UROS: variants seen among roughly 807,000 people sequenced by gnomAD.
UROS encodes uroporphyrinogen III synthase.
A neutral mutation model predicts 33.0 loss-of-function variants in UROS; 18 were observed. The ratio of observed to expected loss-of-function variants is 0.55; its 90% confidence interval spans 0.38 to 0.81. The LOEUF is 0.81. UROS is among the 30% of genes least tolerant of loss of function. The pLI is 0.00. For synonymous variants in UROS, 114 were observed against 121.1 expected, an observed-to-expected ratio of 0.94 and a Z score of 0.38; for missense variants, 293 against 314.9, an observed-to-expected ratio of 0.93 and a Z score of 0.53.
At chr10:125,811,286 G>C (rs1323278256) in intron 5 of UROS, among the ~76,000 whole-genome samples, 1 of 152,190 alleles carries the variant, frequency 6.6e-6, no homozygotes, top group Non-Finnish European at 1.5e-5. Flanking sequence ...AGGAAATATA[G>C]AGAATGAAAG....
At chr10:125,800,242 A>G (rs981399113) in intron 6 of UROS, among the ~76,000 whole-genome samples, 1 of 152,258 alleles carries the variant, frequency 6.6e-6, no homozygotes, top group African/African-American at 2.4e-5. Flanking sequence ...TGAAGTCTGA[A>G]AGACCAGATT....
intron 6 of UROS, among the ~76,000 whole-genome samples, chr10:125,800,069 T>C (rs1277871305): frequency 6.6e-6 from 1 of 152,098 alleles, no homozygotes; most frequent in Non-Finnish European, 1.5e-5. Flanking sequence ...GTAATAACAC[T>C]GAAAATCCTA....
intron 4 of UROS, among the ~76,000 whole-genome samples, chr10:125,814,280 A>G (rs1853095788): frequency 6.6e-6 from 1 of 152,290 alleles, no homozygotes; most frequent in Non-Finnish European, 1.5e-5. Flanking sequence ...CTCACTCCAA[A>G]GCCCTTGCAT....
chr10:125,793,313 C>T (rs1378761759), intron 9 of UROS: 4 of 132,076 alleles, frequency 3.0e-5, no homozygotes, highest in Non-Finnish European at 6.1e-5. Context: ...CTTATACCAC[C>T]AGGCATCTCA....
At chr10:125,812,157 TA>T in intron 5 of UROS, 56 bp downstream of exon 5, 1 of 1,545,692 alleles carries the variant, frequency 6.5e-7, no homozygotes, top group South Asian at 1.1e-5. Flanking sequence ...AACTGTTTTT[TA>T]AAACTGAAAA....
rs761918469 is a variant in UROS, at chr10:125,816,435, A to G, written c.63+2T>C. On this transcript the variant is annotated splice_donor_variant, in intron 2 of 9. Transcript: ENST00000368797. LOFTEE classifies it high-confidence loss of function. ...TGGGATAAGGAGTCTCAGGCCACTT[A>G]CCCTGATATACGGATCCTGGCCACA... 3.1e-6 allele frequency: 5 copies of G among 1,613,934 alleles called. No homozygotes were observed. In the Admixed American group the frequency reaches 6.7e-5, roughly 22 times the overall value.
At chr10:125,804,619 G>C (rs979284278) in intron 6 of UROS, among the ~76,000 whole-genome samples, 1 of 152,188 alleles carries the variant, frequency 6.6e-6, no homozygotes, top group Non-Finnish European at 1.5e-5. Flanking sequence ...AAGCTGTGGG[G>C]TCTGGGTTAA....
chr10:125,812,366 C>T, intron 4 of UROS, 78 bp from the exon 5 acceptor site: 1 of 1,320,076 alleles, frequency 7.6e-7, no homozygotes. Flanking sequence ...TGCTTGTTCA[C>T]CCTAAGAAAC....
chr10:125,789,930 T>G (rs957361876), intron 9 of UROS, among the ~76,000 whole-genome samples: 3 of 152,220 alleles, frequency 2.0e-5, no homozygotes, highest in African/African-American at 7.2e-5. Flanking sequence ...CACTCTCCTC[T>G]GCATTGAGAC....
chr10:125,802,569 G>C (rs1157642590), intron 6 of UROS: 5 of 1,011,178 alleles, frequency 4.9e-6, no homozygotes, highest in Non-Finnish European at 5.9e-6. Flanking sequence ...ACACCATGTG[G>C]CACAAGTGGC....
At position 125,823,179 on chromosome 10, in the gene UROS, A is replaced by C; in HGVS notation, c.-177T>G. The C allele has an allele frequency of 1.1e-5, 2 of 175,120 alleles. No homozygotes were observed. The highest frequency in any genetic ancestry group is 1.2e-5 in the Non-Finnish European group (1 of 83,200). The allele number at this position is 175,120 out of a possible 1,614,324, so 10.8% of individuals were successfully genotyped here. ...CGCAGCCCGAGGGGCCGCGGCGGCC[A>C]CCCGCGCCGGGCCCCAGGACCCCGC... On this transcript the variant is annotated 5_prime_UTR_variant, in exon 1 of 10. Transcript: ENST00000368797.
At position 125,816,456 on chromosome 10, in the gene UROS, CCA is replaced by C. The variant is rs1291367816; in HGVS notation, c.42_43del (p.Cys14TrpfsTer15). The C allele has an allele frequency of 6.2e-7, 1 of 1,614,046 alleles. No individual in the cohort carries two copies. Among genetic ancestry groups the C allele is most frequent in the African/African-American group, 1.3e-5 (1 of 74,904 alleles). ...ACTTACCCTGATATACGGATCCTGG[CCA>C]CAGTCATCTTCCTTCGCATCCTTCA... On this transcript the variant is annotated frameshift_variant, in exon 2 of 10. Transcript: ENST00000368797. LOFTEE classifies it high-confidence loss of function.
intron 9 of UROS, among the ~76,000 whole-genome samples, chr10:125,790,229 A>G (rs1850819901): frequency 6.6e-6 from 1 of 152,144 alleles, no homozygotes; most frequent in Non-Finnish European, 1.5e-5. Flanking sequence ...CTCCCTGAGG[A>G]AAAAATAAAG....
chr10:125,812,162 C>A, intron 5 of UROS, 52 bp downstream of exon 5: 1 of 1,558,120 alleles, frequency 6.4e-7, no homozygotes, highest in Non-Finnish European at 8.8e-7. Context: ...TTTTTTAAAA[C>A]TGAAAAGGCT....
chr10:125,811,142 A>C (rs1852778138), intron 5 of UROS, among the ~76,000 whole-genome samples: 1 of 152,232 alleles, frequency 6.6e-6, no homozygotes, highest in African/African-American at 2.4e-5. Context: ...GGACAGTGAC[A>C]GCAAAATGCA....
chr10:125,802,006 A>C, intron 6 of UROS: 1 of 985,232 alleles, frequency 1.0e-6, no homozygotes, highest in Non-Finnish European at 1.2e-6. Context: ...ATTGTCAGCC[A>C]CCCATAGAAA....
At chr10:125,818,303 C>T (rs1853536475) in intron 1 of UROS, among the ~76,000 whole-genome samples, 2 of 151,936 alleles carry the variant, frequency 1.3e-5, no homozygotes, top group Non-Finnish European at 2.9e-5. Flanking sequence ...GACAACATAG[C>T]GAGACCCCAT....
chr10:125,797,704 G>A (rs909121181), intron 7 of UROS, among the ~76,000 whole-genome samples: 5 of 152,116 alleles, frequency 3.3e-5, no homozygotes, highest in Admixed American at 6.6e-5. Context: ...TTATAAGATC[G>A]GCTACATTTG....
At chr10:125,800,565 CT>C (rs367801933) in intron 6 of UROS, among the ~76,000 whole-genome samples, 125 of 140,330 alleles carry the variant, frequency 8.9e-4, no homozygotes, top group East Asian at 1.2e-3. Context: ...TTCTTTCTTT[CT>C]TTTTTTTTTT....
Sources: allele counts gnomAD v4.1 joint callset (sites outside exome capture counted in the v4.1 genomes callset), GRCh38; gene constraint gnomAD v4.1.1; transcripts MANE v1.5; gene names NCBI Gene and HGNC (gene_info 2026-07-23, HGNC 2026-07-21).